CCDC192: variants seen among roughly 807,000 people sequenced by gnomAD.
CCDC192 encodes the protein coiled-coil domain-containing protein 192.
At chr5:127,799,544 T>C (rs1757367122) in intron 5 of CCDC192, among the ~76,000 whole-genome samples, 1 of 152,184 alleles carries the variant, frequency 6.6e-6, no homozygotes, top group Non-Finnish European at 1.5e-5. Context: ...ATACCCACAG[T>C]CATTCACATG....
intron 5 of CCDC192, among the ~76,000 whole-genome samples, chr5:127,829,988 A>G (rs1296353610): frequency 6.6e-6 from 1 of 152,226 alleles, no homozygotes; most frequent in East Asian, 1.9e-4. Flanking sequence ...AATGAAAAAT[A>G]AAACATGAAC....
chr5:127,710,848 A>T (rs1751284713), intron 2 of CCDC192, among the ~76,000 whole-genome samples: 1 of 152,220 alleles, frequency 6.6e-6, no homozygotes, highest in Non-Finnish European at 1.5e-5. Flanking sequence ...ACTTTATCGC[A>T]GGAACCTGAT....
chr5:127,756,807 G>A (rs1332889229), intron 3 of CCDC192, among the ~76,000 whole-genome samples: 2 of 152,144 alleles, frequency 1.3e-5, no homozygotes, highest in African/African-American at 2.4e-5. Flanking sequence ...AAGTTAGTTC[G>A]GCCTATGCCC....
chr5:127,740,346 C>T (rs1753339542), intron 2 of CCDC192: 1 of 152,176 alleles, frequency 6.6e-6, no homozygotes, highest in South Asian at 2.1e-4. Flanking sequence ...CATCTGTCTT[C>T]TGTGCCTTAT....
chr5:127,828,425 T>C (rs1749636595), intron 5 of CCDC192, among the ~76,000 whole-genome samples: 1 of 152,198 alleles, frequency 6.6e-6, no homozygotes, highest in Non-Finnish European at 1.5e-5. Context: ...TCATTAGAAG[T>C]AGTATGATCT....
intron 2 of CCDC192, among the ~76,000 whole-genome samples, chr5:127,714,262 G>A (rs1751496498): frequency 6.6e-6 from 1 of 152,184 alleles, no homozygotes; most frequent in African/African-American, 2.4e-5. Flanking sequence ...CTTAGTTGGA[G>A]TTCATATCTT....
At chr5:127,834,689 A>G (rs182305617) in intron 5 of CCDC192, among the ~76,000 whole-genome samples, 202 of 152,298 alleles carry the variant, frequency 1.3e-3, no homozygotes, top group Non-Finnish European at 1.4e-3. Flanking sequence ...TGCAAACACT[A>G]ATCTCCCGGG....
At chr5:127,776,584 C>T (rs1338669995) in intron 3 of CCDC192, among the ~76,000 whole-genome samples, 1 of 152,208 alleles carries the variant, frequency 6.6e-6, no homozygotes, top group Non-Finnish European at 1.5e-5. Flanking sequence ...TGTTAATCAT[C>T]AAGATGTTGG....
chr5:127,703,868 C>G (rs1228104483), intron 1 of CCDC192, among the ~76,000 whole-genome samples: 1 of 152,190 alleles, frequency 6.6e-6, no homozygotes, highest in Non-Finnish European at 1.5e-5. Context: ...CTTCACTACT[C>G]TCTTGCCAAG....
chr5:127,847,543 T>A (rs1750610310), intron 5 of CCDC192, among the ~76,000 whole-genome samples: 1 of 152,140 alleles, frequency 6.6e-6, no homozygotes, highest in Non-Finnish European at 1.5e-5. Context: ...CTAAAGTAAG[T>A]CAAAATAGCT....
intron 3 of CCDC192, among the ~76,000 whole-genome samples, chr5:127,761,227 T>C (rs990675659): frequency 6.6e-6 from 1 of 152,242 alleles, no homozygotes; most frequent in Non-Finnish European, 1.5e-5. Flanking sequence ...TTTGTTCATT[T>C]AACAATTGTT....
intron 2 of CCDC192, among the ~76,000 whole-genome samples, chr5:127,740,984 G>A (rs770386315): frequency 1.3e-5 from 2 of 152,102 alleles, no homozygotes; most frequent in African/African-American, 4.8e-5. Context: ...AATGGCAAAC[G>A]TATTTGCAGT....
In CCDC192 at chr5:127,728,053, C is replaced by G. The variant is rs569412108; in HGVS notation, c.114+20293C>G. On this transcript the variant is annotated intron_variant, in intron 2 of 6. Transcript: ENST00000514853. The stretch of plus-strand genomic sequence containing the variant: ...GGACTATGGGATTATGTAAAAGGAC[C>G]AAACCTACAACTGATTGGGGTACCT... 1.2e-3 allele frequency among the ~76,000 whole-genome samples: 187 copies of G among 152,090 alleles called. 1 individual carries two copies. Among genetic ancestry groups the G allele is most frequent in the Non-Finnish European group, 2.0e-3 (135 of 67,976 alleles).
At chr5:127,826,546 A>G (rs1749541775) in intron 5 of CCDC192, among the ~76,000 whole-genome samples, 1 of 151,420 alleles carries the variant, frequency 6.6e-6, no homozygotes. Flanking sequence ...TGGATTGGAT[A>G]AAGAAAATGT....
chr5:127,877,099 C>T (rs1168333502), intron 6 of CCDC192, among the ~76,000 whole-genome samples: 1 of 152,156 alleles, frequency 6.6e-6, no homozygotes, highest in Non-Finnish European at 1.5e-5. Flanking sequence ...AGCTCGCTTA[C>T]GAGAAGCTTT....
chr5:127,805,770 C>G (rs1392130661), intron 5 of CCDC192, among the ~76,000 whole-genome samples: 56 of 152,194 alleles, frequency 3.7e-4, no homozygotes, highest in Admixed American at 3.7e-3. Context: ...GAGCCCCTCT[C>G]TGTATCCCAC....
At chr5:127,837,437 TG>T (rs1750074998) in intron 5 of CCDC192, among the ~76,000 whole-genome samples, 1 of 80,436 alleles carries the variant, frequency 1.2e-5, no homozygotes, top group Non-Finnish European at 3.0e-5. Context: ...TCAGATGTTG[TG>T]AGAACTCACT....
At chr5:127,712,118 T>A (rs2126781290) in intron 2 of CCDC192, among the ~76,000 whole-genome samples, 1 of 152,336 alleles carries the variant, frequency 6.6e-6, no homozygotes, top group South Asian at 2.1e-4. Flanking sequence ...CCTTTTTTAC[T>A]GCTTTCTTTC....
At chr5:127,747,587 A>G (rs956474707) in intron 2 of CCDC192, among the ~76,000 whole-genome samples, 1 of 151,886 alleles carries the variant, frequency 6.6e-6, no homozygotes, top group African/African-American at 2.4e-5. Context: ...GTGTCTTTAT[A>G]GCAGCATGAT....
Sources: gnomAD v4.1 joint callset for allele counts (sites outside exome capture counted in the v4.1 genomes callset) on GRCh38, gnomAD v4.1.1 for gene constraint, MANE v1.5 for transcripts, NCBI Gene and HGNC (gene_info 2026-07-23, HGNC 2026-07-21) for gene names.